Variants in TACC1 observed in about 807,000 individuals in gnomAD.
TACC1 encodes the protein transforming acidic coiled-coil-containing protein 1.
A neutral mutation model predicts 84.4 loss-of-function variants in TACC1; 48 were observed. That is an observed-to-expected ratio of 0.57 (90% CI 0.45 to 0.72). TACC1 has a LOEUF of 0.72. TACC1 is among the 30% of genes least tolerant of loss of function. The probability of loss-of-function intolerance (pLI) is 0.00; values close to 1 mark genes in which losing one functional copy is unlikely to be tolerated. For missense variants in TACC1, 920 were observed against 973.0 expected (o/e 0.95, Z 0.72); for synonymous variants, 372 against 376.3 (o/e 0.99, Z 0.13).
At chr8:38,780,075 T>A (rs1815624440) in intron 3 of TACC1, among the ~76,000 whole-genome samples, 2 of 152,252 alleles carry the variant, frequency 1.3e-5, no homozygotes, top group African/African-American at 2.4e-5. Context: ...TTCATTTTTT[T>A]AAATGTAACC....
At chr8:38,824,695 G>C (rs1335629628) in intron 3 of TACC1, 2 of 152,694 alleles carry the variant, frequency 1.3e-5, no homozygotes. Context: ...GATGGTTCAA[G>C]CTTCCCCAGT....
chr8:38,843,139 A>C, intron 10 of TACC1, 150 bp from the exon 11 acceptor site: 1 of 494,772 alleles, frequency 2.0e-6, no homozygotes, highest in Admixed American at 3.5e-5. Context: ...TGAGAATTAC[A>C]TGTGGCTATT....
intron 3 of TACC1, among the ~76,000 whole-genome samples, chr8:38,755,266 C>T (rs185333807): frequency 2.0e-5 from 3 of 152,178 alleles, no homozygotes; most frequent in African/African-American, 7.2e-5. Context: ...TCTTTATTCC[C>T]CTACAGCTTC....
chr8:38,844,266 G>A (rs1303280494), intron 11 of TACC1, among the ~76,000 whole-genome samples: 9 of 152,030 alleles, frequency 5.9e-5, no homozygotes, highest in African/African-American at 2.2e-4. Flanking sequence ...TCAGTCTCCC[G>A]GGTTCAAGTG....
chr8:38,737,270 G>GT (rs1273700707), intron 1 of TACC1, among the ~76,000 whole-genome samples: 4 of 152,120 alleles, frequency 2.6e-5, no homozygotes, highest in African/African-American at 9.7e-5. Context: ...AGAATTCTTT[G>GT]TAGGAATTCT....
rs1000551617 is a variant in TACC1, at chr8:38,819,954, C to A, written c.710C>A (p.Pro237His). 2.5e-6 allele frequency: 4 copies of A among 1,614,142 alleles called. No individual in the cohort carries two copies. Among genetic ancestry groups the A allele is most frequent in the Non-Finnish European group, 3.4e-6 (4 of 1,180,046 alleles). ...AAGCTGAGAAAGCCCAAGCCTGTCC[C>A]CCTGAGGAAGAAAGCAATTGGAGGA... The part of the protein sequence containing the change: ...RSKLRKPKPV[P>H]LRKKAIGGEF... Residue 237 changes from proline to histidine, a missense_variant, in exon 3 of 13, where the codon CCC becomes CAC. Pro to His is a moderately conservative substitution (Grantham distance 77, BLOSUM62 -2). This residue lies in a region of TACC1 where 762 missense variants were observed against 747.3 expected (regional missense o/e 1.02). Transcript: ENST00000317827.
upstream of TACC1, among the ~76,000 whole-genome samples, chr8:38,782,478 CAT>C (rs1359290458): frequency 6.6e-6 from 1 of 152,146 alleles, no homozygotes; most frequent in East Asian, 1.9e-4. Context: ...CCGCAATAAA[CAT>C]ATGTGTGCAT....
At chr8:38,757,233 CACCCTT>C in intron 3 of TACC1, 1 of 516,054 alleles carries the variant, frequency 1.9e-6, no homozygotes, top group Non-Finnish European at 2.8e-6. Context: ...TCCCTCGCCC[CACCCTT>C]CCTCCCGCCC....
chr8:38,839,204 AAATT>A, intron 8 of TACC1: 1 of 371,452 alleles, frequency 2.7e-6, no homozygotes, highest in Non-Finnish European at 4.8e-6. Flanking sequence ...TACTTTTTAA[AAATT>A]AATTATGCAT....
chr8:38,754,884 C>T (rs539360065), intron 3 of TACC1, among the ~76,000 whole-genome samples: 4 of 152,192 alleles, frequency 2.6e-5, no homozygotes, highest in Non-Finnish European at 4.4e-5. Flanking sequence ...GAGATCTGGC[C>T]GGGCACAGTG....
intron 2 of TACC1, among the ~76,000 whole-genome samples, chr8:38,790,942 C>A (rs1006326800): frequency 6.6e-6 from 1 of 152,170 alleles, no homozygotes; most frequent in Non-Finnish European, 1.5e-5. Context: ...AACACTTATT[C>A]CTCATAGCTT....
chr8:38,807,039 A>G (rs559131873), intron 2 of TACC1, among the ~76,000 whole-genome samples: 2 of 152,328 alleles, frequency 1.3e-5, no homozygotes, highest in East Asian at 3.9e-4. Flanking sequence ...TTTGTTATAA[A>G]GGATACAACT....
At chr8:38,768,421 C>A (rs1162440541) in intron 3 of TACC1, among the ~76,000 whole-genome samples, 2 of 152,210 alleles carry the variant, frequency 1.3e-5, no homozygotes, top group East Asian at 3.9e-4. Flanking sequence ...TGAAGAAATT[C>A]TCTTCACACA....
upstream of TACC1, among the ~76,000 whole-genome samples, chr8:38,785,223 G>A (rs1412279254): frequency 6.6e-6 from 1 of 152,114 alleles, no homozygotes; most frequent in African/African-American, 2.4e-5. Context: ...GTAAGCAGTT[G>A]GTTCAAGCTA....
In TACC1 at chr8:38,843,366, G is replaced by GA; in HGVS notation, c.2203dup (p.Ile735AsnfsTer12). Reference sequence around the variant, plus strand: ...AAGAGGAGCAGCGATACCAGGCCCTGAAAATCCACGCAGAAGAGAAACTGG... The same window carrying GA: ...AAGAGGAGCAGCGATACCAGGCCCTGAAAAATCCACGCAGAAGAGAAACTGG... On this transcript the variant is annotated frameshift_variant, in exon 11 of 13. Transcript: ENST00000317827. LOFTEE classifies it high-confidence loss of function. 2.5e-6 allele frequency: 4 copies of GA among 1,609,412 alleles called. No homozygotes were observed. The highest frequency in any genetic ancestry group is 3.4e-6 in the Non-Finnish European group (4 of 1,177,728).
intron 3 of TACC1, among the ~76,000 whole-genome samples, chr8:38,753,453 G>A (rs752740382): frequency 1.3e-4 from 20 of 152,150 alleles, no homozygotes; most frequent in Non-Finnish European, 1.0e-4. Flanking sequence ...TAAACCCAGT[G>A]ACATTAATCA....
At chr8:38,755,754 G>C (rs1227892337) in intron 3 of TACC1, among the ~76,000 whole-genome samples, 2 of 63,068 alleles carry the variant, frequency 3.2e-5, no homozygotes, top group African/African-American at 1.0e-4. Flanking sequence ...AACAACAACA[G>C]AGTGTTCCTG....
At chr8:38,778,792 C>T (rs1815350468) in intron 3 of TACC1, among the ~76,000 whole-genome samples, 1 of 152,144 alleles carries the variant, frequency 6.6e-6, no homozygotes, top group Non-Finnish European at 1.5e-5. Context: ...TCATTTCCCT[C>T]ATCAACATAG....
At chr8:38,835,269 A>T (rs1225628094) in intron 6 of TACC1, among the ~76,000 whole-genome samples, 1 of 151,684 alleles carries the variant, frequency 6.6e-6, no homozygotes, top group Non-Finnish European at 1.5e-5. Context: ...AAAAAAAAAA[A>T]GTTTACTTCC....
Sources: gnomAD v4.1 joint callset for allele counts (sites outside exome capture counted in the v4.1 genomes callset) on GRCh38, gnomAD v4.1.1 for gene constraint, gnomAD v4.1.1 regional missense constraint, MANE v1.5 for transcripts, NCBI Gene and HGNC (gene_info 2026-07-23, HGNC 2026-07-21) for gene names.